Variants in NCR2 observed in about 807,000 individuals in gnomAD.
NCR2 encodes the protein natural cytotoxicity triggering receptor 2, also known as NK cell activating receptor (NKp44).
NCR2 carries 35 observed loss-of-function variants against 30.7 expected under a neutral mutation model. The observed-to-expected ratio is 1.14, with a 90% CI of 0.87 to 1.51. The LOEUF is 1.51. Ranked by LOEUF, NCR2 falls within the 40% of genes most tolerant of loss-of-function variation. NCR2 has a pLI of 0.00. For missense variants in NCR2, 316 were observed against 328.9 expected (o/e 0.96, Z 0.30); for synonymous variants, 146 against 134.8 (o/e 1.08, Z -0.58).
Position 41,341,854 on chromosome 6 carries a change from C to T in NCR2, c.455C>T (p.Thr152Ile), listed in dbSNP as rs749500271. ...PRDLVSSQTQ[T>I]QSCVPPTAGA... ...GACCTGGTCTCTTCACAGACCCAGA[C>T]CCAGAGCTGTGTGCCTCCCACTGCA... The change falls in exon 3 of 5, where the codon ACC becomes ATC. Residue 152 changes from threonine to isoleucine, a missense_variant. Transcript: ENST00000373089. 12 of 1,613,644 alleles carry T rather than the reference C, an allele frequency of 7.4e-6. No homozygotes were observed. The Admixed American group carries it at 1.5e-4, about 20-fold the overall frequency.
chr6:41,346,491 A>G (rs1039822083), intron 4 of NCR2, among the ~76,000 whole-genome samples: 1 of 151,842 alleles, frequency 6.6e-6, no homozygotes, highest in African/African-American at 2.4e-5. Flanking sequence ...CTTAGATTCC[A>G]TGATCCAACC....
rs373232979 is a variant in NCR2 at position 41,348,698 on chromosome 6, G to A, written c.645-1980G>A. On this transcript the variant is annotated intron_variant, in intron 4 of 4. Coordinates refer to ENST00000373089, the MANE Select transcript of NCR2 (RefSeq NM_004828.4). ...CTGCTTCCTGCCAGTTTAATTTGGG[G>A]GATACAAAGTGAGATCCCAGATTTT... Among the ~76,000 whole-genome samples the A allele has an allele frequency of 4.9e-4, 74 of 151,958 alleles. 2 individuals are homozygous for A. The highest frequency in any genetic ancestry group is 3.4e-3 in the Middle Eastern group (1 of 294).
intron 2 of NCR2, among the ~76,000 whole-genome samples, chr6:41,336,781 G>A (rs1037337227): frequency 6.6e-6 from 1 of 152,152 alleles, no homozygotes; most frequent in African/African-American, 2.4e-5. Flanking sequence ...CCCCCACCAT[G>A]TAGAGCCAGT....
chr6:41,341,432 C>T (rs1769164733), intron 2 of NCR2, among the ~76,000 whole-genome samples: 1 of 152,108 alleles, frequency 6.6e-6, no homozygotes, highest in Non-Finnish European at 1.5e-5. Flanking sequence ...GTCCCAGAGG[C>T]ATGAGAAAGA....
chr6:41,335,821 C>A lies in NCR2; in HGVS notation c.-56C>A. 6.5e-7 allele frequency: 1 copy of A among 1,533,410 alleles called. No homozygotes were observed. The highest frequency in any genetic ancestry group is 1.4e-5 in the African/African-American group (1 of 72,942). 95.0% of individuals were successfully genotyped at this position (1,533,410 alleles called of 1,614,324 possible). A position where few individuals can be genotyped will look rare whatever the true frequency, so the allele number is the denominator to read the frequency against. Reference sequence around the variant, plus strand: ...AGAATCAGGCCCAGCTCCCAATTCCCTCTCCCCAGTCTTCTCCAGGTGTCC... The same window carrying A: ...AGAATCAGGCCCAGCTCCCAATTCCATCTCCCCAGTCTTCTCCAGGTGTCC... On this transcript the variant is annotated 5_prime_UTR_variant, in exon 1 of 5. Transcript: ENST00000373089.
intron 4 of NCR2, among the ~76,000 whole-genome samples, chr6:41,345,033 G>A (rs1769268331): frequency 6.6e-6 from 1 of 152,076 alleles, no homozygotes; most frequent in African/African-American, 2.4e-5. Flanking sequence ...GGCCCCCACT[G>A]CACACTCTCT....
At chr6:41,347,108 G>A (rs1016902412) in intron 4 of NCR2, among the ~76,000 whole-genome samples, 7 of 152,120 alleles carry the variant, frequency 4.6e-5, no homozygotes, top group Non-Finnish European at 7.4e-5. Flanking sequence ...CCAGCTACTT[G>A]GGAGGCTGAG....
At chr6:41,335,971 G>A (rs1327025539) in intron 1 of NCR2, 43 bp downstream of exon 1, 4 of 1,577,384 alleles carry the variant, frequency 2.5e-6, no homozygotes, top group South Asian at 1.2e-5. Context: ...AGATGGGTGT[G>A]GTGGGGACTG....
intron 4 of NCR2, among the ~76,000 whole-genome samples, chr6:41,348,903 G>A (rs988314635): frequency 6.6e-6 from 1 of 151,960 alleles, no homozygotes; most frequent in Non-Finnish European, 1.5e-5. Flanking sequence ...AAGAAAGTGA[G>A]GATAATGTCT....
chr6:41,340,568 C>A (rs1401010442), intron 2 of NCR2, among the ~76,000 whole-genome samples: 1 of 152,176 alleles, frequency 6.6e-6, no homozygotes, highest in African/African-American at 2.4e-5. Context: ...TTGACAACAC[C>A]CAAGCTGGTC....
intron 4 of NCR2, 111 bp downstream of exon 4, chr6:41,342,260 G>A (rs1037477664): frequency 1.1e-4 from 163 of 1,421,136 alleles, no homozygotes; most frequent in African/African-American, 2.4e-4. Context: ...AATTATAATC[G>A]GCAGAGCTCT....
intron 4 of NCR2, among the ~76,000 whole-genome samples, chr6:41,344,525 C>G (rs73733215): frequency 6.6e-6 from 1 of 152,118 alleles, no homozygotes; most frequent in Non-Finnish European, 1.5e-5. Context: ...AGAAAGTTCC[C>G]CAAGGTTACA....
chr6:41,338,732 T>A (rs1769090926), intron 2 of NCR2, among the ~76,000 whole-genome samples: 1 of 152,378 alleles, frequency 6.6e-6, no homozygotes, highest in South Asian at 2.1e-4. Flanking sequence ...CTAGCTTTAT[T>A]TGTTCTAGGA....
At chr6:41,345,722 A>C (rs1769283835) in intron 4 of NCR2, among the ~76,000 whole-genome samples, 1 of 151,934 alleles carries the variant, frequency 6.6e-6, no homozygotes, top group African/African-American at 2.4e-5. Flanking sequence ...CAGAATCCCA[A>C]CTCAGTAAGA....
intron 4 of NCR2, among the ~76,000 whole-genome samples, chr6:41,349,974 A>G (rs974607850): frequency 8.5e-5 from 13 of 152,164 alleles, no homozygotes; most frequent in Non-Finnish European, 1.9e-4. Flanking sequence ...ACCAGGTAGC[A>G]CTTTCAAGAG....
intron 4 of NCR2, among the ~76,000 whole-genome samples, chr6:41,345,078 C>G (rs1428259276): frequency 6.6e-6 from 1 of 152,174 alleles, no homozygotes; most frequent in East Asian, 1.9e-4. Context: ...CAGAGCATCT[C>G]TGTGTCACCC....
In NCR2 at chr6:41,342,616, G is replaced by A. The variant is rs900427447; in HGVS notation, c.644+467G>A. On this transcript the variant is annotated intron_variant, in intron 4 of 4. Coordinates refer to ENST00000373089, the MANE Select transcript of NCR2 (RefSeq NM_004828.4). ...TCAGAAACACAGACCTACACAGCTG[G>A]AAAGTCCCTCCCACTACCTGCCCTT... Among the ~76,000 whole-genome samples the A allele has an allele frequency of 7.9e-5, 12 of 151,836 alleles. No individual in the cohort carries two copies. In the East Asian group the frequency reaches 1.4e-3, roughly 17 times the overall value.
At chr6:41,345,702 C>T (rs1769283390) in intron 4 of NCR2, among the ~76,000 whole-genome samples, 1 of 152,124 alleles carries the variant, frequency 6.6e-6, no homozygotes, top group Non-Finnish European at 1.5e-5. Context: ...CCTGGTCCTC[C>T]CTCATCACCC....
intron 4 of NCR2, among the ~76,000 whole-genome samples, chr6:41,346,258 T>G (rs1769296584): frequency 6.6e-6 from 1 of 152,206 alleles, no homozygotes; most frequent in African/African-American, 2.4e-5. Context: ...GCATCACAGT[T>G]CCTTGGCCTC....
Sources: allele counts gnomAD v4.1 joint callset (sites outside exome capture counted in the v4.1 genomes callset), GRCh38; gene constraint gnomAD v4.1.1; transcripts MANE v1.5; gene names NCBI Gene and HGNC (gene_info 2026-07-23, HGNC 2026-07-21).